The following NR0B2 variants were observed in gnomAD, a reference collection of about 807,000 sequenced individuals.
The protein encoded by NR0B2 is nuclear receptor subfamily 0 group B member 2.
In NR0B2, 17 loss-of-function variants were observed where a neutral mutation model predicts 18.9. That is an observed-to-expected ratio of 0.90 (90% confidence interval 0.62 to 1.35). The LOEUF (loss-of-function observed/expected upper bound fraction) is 1.35. Among genes scored for constraint, NR0B2 ranks in the 40% most tolerant of loss-of-function variants. The probability of loss-of-function intolerance (pLI) is 0.00; values close to 1 mark genes in which losing one functional copy is unlikely to be tolerated. For synonymous variants in NR0B2, 116 were observed against 138.5 expected (o/e 0.84, Z 1.14); for missense variants, 312 against 333.3 (o/e 0.94, Z 0.50).
rs202150278 is a variant in NR0B2 at position 26,913,738 on chromosome 1, G to A, written c.203C>T (p.Ala68Val). ...GAAGGATGGCAGGTTCCTGAGGAAG[G>A]CCACTGTCTTGGCCAGAACATCCAA... is the stretch of plus-strand genomic sequence containing the variant. ...EALDVLAKTVAFLRNLPSFWQ... is the reference protein window; with the variant it reads ...EALDVLAKTVVFLRNLPSFWQ... The change falls in exon 1 of 2, where the codon GCC (alanine) becomes GTC (valine). Residue 68 changes from alanine to valine, a missense_variant. Transcript: ENST00000254227. 56 of 1,603,724 alleles carry A rather than the reference G, an allele frequency of 3.5e-5. No homozygotes were observed. The Admixed American group carries it at 6.2e-4, about 18-fold the overall frequency.
intron 1 of NR0B2, among the ~76,000 whole-genome samples, chr1:26,913,091 C>G (rs1294090451): frequency 6.6e-6 from 1 of 152,156 alleles, no homozygotes; most frequent in Non-Finnish European, 1.5e-5. Context: ...TCAAGACCAG[C>G]TTGATCAACA....
chr1:26,913,601 C>A lies in NR0B2; in HGVS notation c.340G>T (p.Val114Leu). The A allele has an allele frequency of 6.2e-7, 1 of 1,614,074 alleles. No homozygotes were observed. The highest frequency in any genetic ancestry group is 8.5e-7 in the Non-Finnish European group (1 of 1,180,002). The change falls in exon 1 of 2, where the codon GTG (valine) becomes TTG (leucine). Residue 114 changes from valine (V) to leucine (L), a missense_variant. Transcript: ENST00000254227. ...AGAATCTTCTTGAGTATGCTGGGCA[C>A]CGGGGCCTCAGCCACCTCAAAGGTC... ...AVTFEVAEAP[V>L]PSILKKILLE...
chr1:26,911,647 C>A lies in NR0B2; in HGVS notation c.*198G>T. 1 of 640,786 alleles carries A rather than the reference C, an allele frequency of 1.6e-6. No individual in the cohort carries two copies. Among genetic ancestry groups the A allele is most frequent in the East Asian group, 2.9e-5 (1 of 34,414 alleles). The allele number at this position is 640,786 out of a possible 1,614,324, so 39.7% of individuals were successfully genotyped here. A position where few individuals can be genotyped will look rare whatever the true frequency, so the allele number is the denominator to read the frequency against. ...GCTGTGGGGACCACCAAAAGCCTCC[C>A]AGGCAGCTGGAACACTGTGTCCAAA... On this transcript the variant is annotated 3_prime_UTR_variant, in exon 2 of 2. Transcript: ENST00000254227.
At position 26,913,956 on chromosome 1, in the gene NR0B2, C is replaced by G. The variant is rs372185065; in HGVS notation, c.-16G>C. The G allele has an allele frequency of 3.9e-5, 57 of 1,450,196 alleles. No individual in the cohort carries two copies. Among genetic ancestry groups the G allele is most frequent in the Non-Finnish European group, 5.1e-5 (56 of 1,097,584 alleles). 89.8% of individuals were successfully genotyped at this position (1,450,196 alleles called of 1,614,324 possible). A position where few individuals can be genotyped will look rare whatever the true frequency, so the allele number is the denominator to read the frequency against. On this transcript the variant is annotated 5_prime_UTR_variant, in exon 1 of 2. Coordinates refer to ENST00000254227, the MANE Select transcript of NR0B2 (RefSeq NM_021969.3). ...TGGTGCTCATGGTTAGGGATCTGCT[C>G]TCACTTCCAGCTCTCTGGCTCTGTG...
intron 1 of NR0B2, 60 bp from the exon 2 acceptor site, chr1:26,912,146 A>G: frequency 6.2e-7 from 1 of 1,602,940 alleles, no homozygotes; most frequent in Non-Finnish European, 8.5e-7. Flanking sequence ...ACCAAAGGAC[A>G]AGACTGGCCC....
rs144579036 is a variant in NR0B2 at position 26,913,589 on chromosome 1, G to C, written c.352C>G (p.Leu118Val). The part of the protein sequence containing the change: ...EVAEAPVPSI[L>V]KKILLEEPSS... ...GGCTCCTCCAGCAGAATCTTCTTGAGTATGCTGGGCACCGGGGCCTCAGCC... is the reference window on the plus strand; with the variant it reads ...GGCTCCTCCAGCAGAATCTTCTTGACTATGCTGGGCACCGGGGCCTCAGCC... The change falls in exon 1 of 2, where the codon CTC becomes GTC. Residue 118 changes from leucine to valine, a missense_variant. Physicochemically the swap from Leu to Val is conservative, Grantham distance 32 (BLOSUM62 1). Coordinates refer to ENST00000254227, the MANE Select transcript of NR0B2 (RefSeq NM_021969.3). 38 of 1,614,006 alleles carry C rather than the reference G, an allele frequency of 2.4e-5. No homozygotes were observed. In the African/African-American group the frequency reaches 3.9e-4, roughly 16 times the overall value.
In NR0B2 at chr1:26,913,764, G is replaced by C. The variant is rs1281635896; in HGVS notation, c.177C>G (p.Ala59=). The part of the protein sequence containing the change: ...LCAPHRTCRE[A]LDVLAKTVAF... The stretch of plus-strand genomic sequence containing the variant: ...CCACTGTCTTGGCCAGAACATCCAA[G>C]GCCTCCCGGCAGGTGCGATGAGGTG... Residue 59 remains alanine, a synonymous_variant, in exon 1 of 2, where the codon GCC becomes GCG. Transcript: ENST00000254227. 2.7e-5 allele frequency: 42 copies of C among 1,573,964 alleles called. No homozygotes were observed. Among genetic ancestry groups the C allele is most frequent in the Non-Finnish European group, 3.6e-5 (42 of 1,157,628 alleles).
At position 26,911,600 on chromosome 1, in the gene NR0B2, G is replaced by A; in HGVS notation, c.*245C>T. ...AAGCTTTCATTCTCATCCCAAGAAG[G>A]GACAGGAGTCTTGGCCCAGAGGCTG... is the stretch of plus-strand genomic sequence containing the variant. On this transcript the variant is annotated 3_prime_UTR_variant, in exon 2 of 2. Transcript: ENST00000254227. 3.7e-6 allele frequency: 2 copies of A among 544,806 alleles called. No individual in the cohort carries two copies. Among genetic ancestry groups the A allele is most frequent in the Non-Finnish European group, 6.7e-6 (2 of 300,624 alleles). The allele number at this position is 544,806 out of a possible 1,614,324, so 33.7% of individuals were successfully genotyped here. A position where few individuals can be genotyped will look rare whatever the true frequency, so the allele number is the denominator to read the frequency against.
At position 26,912,167 on chromosome 1, in the gene NR0B2, C is replaced by T. The variant is rs566733353; in HGVS notation, c.533-81G>A. The stretch of plus-strand genomic sequence containing the variant: ...GGACAAGACTGGCCCAAGATCTGGG[C>T]CATCAGAGACACCCCTCTGCCTCCT... On this transcript the variant is annotated intron_variant, in intron 1 of 1. Coordinates refer to ENST00000254227, the MANE Select transcript of NR0B2 (RefSeq NM_021969.3). 189 of 1,555,504 alleles carry T rather than the reference C, an allele frequency of 1.2e-4. No homozygotes were observed. In the African/African-American group the frequency reaches 2.4e-3, roughly 20 times the overall value.
chr1:26,913,331 C>A, intron 1 of NR0B2, 78 bp downstream of exon 1: 1 of 1,322,660 alleles, frequency 7.6e-7, no homozygotes. Flanking sequence ...TAACAGATAT[C>A]AAACCCTTAG....
chr1:26,912,154 C>T (rs2082031883), intron 1 of NR0B2, 68 bp from the exon 2 acceptor site: 4 of 1,594,464 alleles, frequency 2.5e-6, no homozygotes, highest in African/African-American at 1.3e-5. Context: ...ACAAGACTGG[C>T]CCAAGATCTG....
At chr1:26,912,804 G>A (rs1030711901) in intron 1 of NR0B2, among the ~76,000 whole-genome samples, 1 of 152,100 alleles carries the variant, frequency 6.6e-6, no homozygotes, top group African/African-American at 2.4e-5. Context: ...AGCTGTGTCT[G>A]CCCACCCCAC....
Position 26,912,028 on chromosome 1 carries a change from C to A in NR0B2, c.591G>T (p.Trp197Cys). 6.2e-7 allele frequency: 1 copy of A among 1,614,148 alleles called. No homozygotes were observed. Among genetic ancestry groups the A allele is most frequent in the Non-Finnish European group, 8.5e-7 (1 of 1,180,024 alleles). ...HIGHLQQEAH[W>C]VLCEVLEPWC... Reference sequence around the variant, plus strand: ...AGGGTTCCAGGACTTCACACAGCACCCAGTGAGCCTCCTGCTGCAGGTGCC... The same window carrying A: ...AGGGTTCCAGGACTTCACACAGCACACAGTGAGCCTCCTGCTGCAGGTGCC... The change falls in exon 2 of 2, where the codon TGG becomes TGT. Residue 197 changes from tryptophan to cysteine, a missense_variant. Trp to Cys is a radical substitution (Grantham distance 215, BLOSUM62 -2). Coordinates refer to ENST00000254227, the MANE Select transcript of NR0B2 (RefSeq NM_021969.3).
intron 1 of NR0B2, among the ~76,000 whole-genome samples, 167 bp downstream of exon 1, chr1:26,913,242 G>A (rs1206141669): frequency 2.6e-5 from 4 of 152,034 alleles, no homozygotes; most frequent in South Asian, 2.1e-4. Context: ...AGCCAAGATC[G>A]CACCACTGCA....
In NR0B2 at chr1:26,913,839, T is replaced by G; in HGVS notation, c.102A>C (p.Arg34=). ...LLSSSLKAVP[R]PRSRCLCRQH... ...GCCTACATAGGCAGCGGCTACGGGG[T>G]CGGGGGACAGCCTTGAGGCTGGAGC... Residue 34 remains arginine, a synonymous_variant, in exon 1 of 2, where the codon CGA becomes CGC. Coordinates refer to ENST00000254227, the MANE Select transcript of NR0B2 (RefSeq NM_021969.3). 1 of 1,508,198 alleles carries G rather than the reference T, an allele frequency of 6.6e-7. No individual in the cohort carries two copies. The highest frequency in any genetic ancestry group is 8.9e-7 in the Non-Finnish European group (1 of 1,127,542). The allele number at this position is 1,508,198 out of a possible 1,614,324, so 93.4% of individuals were successfully genotyped here. A position where few individuals can be genotyped will look rare whatever the true frequency, so the allele number is the denominator to read the frequency against.
In NR0B2 at chr1:26,913,319, G is replaced by A. The variant is rs569429935; in HGVS notation, c.532+90C>T. ...TAAAAAGAAAATGAGGACCCAATGA[G>A]ATAACAGATATCAAACCCTTAGAAG... On this transcript the variant is annotated intron_variant, in intron 1 of 1. Transcript: ENST00000254227. 4 of 1,148,784 alleles carry A rather than the reference G, an allele frequency of 3.5e-6. No homozygotes were observed. The African/African-American group carries it at 4.5e-5, about 13-fold the overall frequency. The allele number at this position is 1,148,784 out of a possible 1,614,324, so 71.2% of individuals were successfully genotyped here.
chr1:26,913,702 G>T lies in NR0B2; in HGVS notation c.239C>A (p.Pro80His). ...LRNLPSFWQL[P>H]PQDQRRLLQG... ...CAGCAGCCGCCGCTGGTCCTGGGGA[G>T]GCAGCTGCCAGAAGGATGGCAGGTT... is the stretch of plus-strand genomic sequence containing the variant. The change falls in exon 1 of 2, where the codon CCT (proline) becomes CAT (histidine). Residue 80 changes from proline (P) to histidine (H), a missense_variant. By Grantham distance (77) the Pro-to-His change is moderately conservative (BLOSUM62 -2). Coordinates refer to ENST00000254227, the MANE Select transcript of NR0B2 (RefSeq NM_021969.3). 1 of 1,610,478 alleles carries T rather than the reference G, an allele frequency of 6.2e-7. No individual in the cohort carries two copies. The highest frequency in any genetic ancestry group is 1.7e-5 in the Admixed American group (1 of 59,756).
At position 26,913,684 on chromosome 1, in the gene NR0B2, C is replaced by T. The variant is rs370959977; in HGVS notation, c.257G>A (p.Arg86Gln). Residue 86 changes from arginine to glutamine, a missense_variant, in exon 1 of 2, where the codon CGG (arginine) becomes CAG (glutamine). By Grantham distance (43) the Arg-to-Gln change is conservative. Coordinates refer to ENST00000254227, the MANE Select transcript of NR0B2 (RefSeq NM_021969.3). ...FWQLPPQDQR[R>Q]LLQGCWGPLF... is the part of the protein sequence containing the mutation. Reference sequence around the variant, plus strand: ...GGGGCCCCAGCAACCCTGCAGCAGCCGCCGCTGGTCCTGGGGAGGCAGCTG... The same window carrying T: ...GGGGCCCCAGCAACCCTGCAGCAGCTGCCGCTGGTCCTGGGGAGGCAGCTG... 22 of 1,612,838 alleles carry T rather than the reference C, an allele frequency of 1.4e-5. No individual in the cohort carries two copies. Among genetic ancestry groups the T allele is most frequent in the South Asian group, 7.7e-5 (7 of 91,048 alleles).
intron 1 of NR0B2, among the ~76,000 whole-genome samples, chr1:26,913,073 T>A (rs538862859): frequency 5.7e-4 from 86 of 152,186 alleles, no homozygotes; most frequent in Non-Finnish European, 9.4e-4. Flanking sequence ...ACCTGAGGGG[T>A]TAGGAGTTCA....
Sources: allele counts gnomAD v4.1 joint callset (sites outside exome capture counted in the v4.1 genomes callset), GRCh38; gene constraint gnomAD v4.1.1; transcripts MANE v1.5; gene names NCBI Gene and HGNC (gene_info 2026-07-23, HGNC 2026-07-21).